The following PICK1 variants were observed in gnomAD, a reference collection of about 807,000 sequenced individuals.
PICK1 encodes protein interacting with PRKCA 1, also known as PRKCA-binding protein.
In PICK1, 23 loss-of-function variants were observed where a neutral mutation model predicts 48.9. The ratio of observed to expected loss-of-function variants is 0.47; its 90% CI spans 0.34 to 0.67. PICK1 has a LOEUF of 0.67. PICK1 is among the 30% of genes least tolerant of loss of function. The pLI, the probability that PICK1 is intolerant of heterozygous loss-of-function variation, is 0.01. For synonymous variants in PICK1, 217 were observed against 228.2 expected (o/e 0.95, Z 0.44); for missense variants, 423 against 557.1 (o/e 0.76, Z 2.42).
At position 38,057,849 on chromosome 22, in the gene PICK1, CTG is replaced by C; in HGVS notation, c.41+2_41+3del. On this transcript the variant is annotated splice_donor_variant and coding_sequence_variant, in exon 2 of 13. Transcript: ENST00000356976. LOFTEE classifies it high-confidence loss of function. Reference sequence around the variant, plus strand: ...GGATTATGACATCGAAGAGGATAAACTGTGAGTATTTTATTCCCCCAAGTTCC... The same window carrying C: ...GGATTATGACATCGAAGAGGATAAACTGAGTATTTTATTCCCCCAAGTTCC... The C allele has an allele frequency of 6.2e-7, 1 of 1,613,206 alleles. No homozygotes were observed. Among genetic ancestry groups the C allele is most frequent in the Non-Finnish European group, 8.5e-7 (1 of 1,179,098 alleles).
chr22:38,062,250 C>T (rs2085420184), intron 3 of PICK1, among the ~76,000 whole-genome samples: 1 of 133,722 alleles, frequency 7.5e-6, no homozygotes. Context: ...AATTTCCCAT[C>T]TTTTTTTTTT....
rs2085348037 is a variant in PICK1, at chr22:38,059,488, C to T, written c.153+143C>T. ...CAGAGGGGCTTTCTGACCACCTGCG[C>T]TGCGTTGCTCTGCCCTGTCTTCTCC... On this transcript the variant is annotated intron_variant, in intron 3 of 12. Coordinates refer to ENST00000356976, the MANE Select transcript of PICK1 (RefSeq NM_012407.4). 5 of 677,386 alleles carry T rather than the reference C, an allele frequency of 7.4e-6. No individual in the cohort carries two copies. In the South Asian group the frequency reaches 8.4e-5, roughly 11 times the overall value. 42.0% of individuals were successfully genotyped at this position (677,386 alleles called of 1,614,324 possible). A position where few individuals can be genotyped will look rare whatever the true frequency, so the allele number is the denominator to read the frequency against.
Position 38,075,248 on chromosome 22 carries a change from GC to G in PICK1, c.*118del. 9.9e-7 allele frequency: 1 copy of G among 1,007,458 alleles called. No individual in the cohort carries two copies. The highest frequency in any genetic ancestry group is 1.4e-6 in the Non-Finnish European group (1 of 704,842). 62.4% of individuals were successfully genotyped at this position (1,007,458 alleles called of 1,614,324 possible). A position where few individuals can be genotyped will look rare whatever the true frequency, so the allele number is the denominator to read the frequency against. ...AAAGGCCTGCTGGCTTGGGGCGCCT[GC>G]CTCCCTGCTCCTCTGTCCTCGCACA... On this transcript the variant is annotated 3_prime_UTR_variant, in exon 13 of 13. Transcript: ENST00000356976.
chr22:38,073,999 G>A lies in PICK1; in HGVS notation c.834+176G>A, dbSNP rs976002809. 218 of 685,146 alleles carry A rather than the reference G, an allele frequency of 3.2e-4. 1 individual carries two copies. The highest frequency in any genetic ancestry group is 4.1e-4 in the Non-Finnish European group (163 of 395,910). 42.4% of individuals were successfully genotyped at this position (685,146 alleles called of 1,614,324 possible). On this transcript the variant is annotated intron_variant, in intron 11 of 12. Coordinates refer to ENST00000356976, the MANE Select transcript of PICK1 (RefSeq NM_012407.4). The surrounding 1 kb of genome is among the most constrained non-coding windows in gnomAD (Gnocchi z 5.7). ...CTGGGCCTCGGGGTGCTGGGCACCC[G>A]GCCGGGAACCACTCCCTCAGTCTGG... is the stretch of plus-strand genomic sequence containing the variant.
intron 3 of PICK1, among the ~76,000 whole-genome samples, chr22:38,064,079 A>T (rs1025379017): frequency 6.6e-6 from 1 of 151,982 alleles, no homozygotes; most frequent in East Asian, 1.9e-4. Context: ...TATCTTCGAG[A>T]CAGAGTCTCG....
In PICK1 at chr22:38,065,064, T is replaced by C. The variant is rs1414381626; in HGVS notation, c.216T>C (p.Gly72=). Residue 72 remains glycine, a synonymous_variant, in exon 4 of 13, where the codon GGT becomes GGC. Coordinates refer to ENST00000356976, the MANE Select transcript of PICK1 (RefSeq NM_012407.4). The part of the protein sequence containing the change: ...GTVAAGDEIT[G]VNGRSIKGKT... ...TGGCAGCTGGCGATGAGATCACCGGTGTCAATGGCAGGTCAATCAAAGGGA... is the reference window on the plus strand; with the variant it reads ...TGGCAGCTGGCGATGAGATCACCGGCGTCAATGGCAGGTCAATCAAAGGGA... The C allele has an allele frequency of 3.7e-6, 6 of 1,613,802 alleles. No individual in the cohort carries two copies. Among genetic ancestry groups the C allele is most frequent in the Non-Finnish European group, 2.5e-6 (3 of 1,179,964 alleles).
rs151027653 is a variant in PICK1, at chr22:38,072,571, C to T, written c.651C>T (p.Ile217=). Residue 217 remains isoleucine (I), a synonymous_variant, in exon 9 of 13, where the codon ATC becomes ATT. Coordinates refer to ENST00000356976, the MANE Select transcript of PICK1 (RefSeq NM_012407.4). ...AGTTCGCCGATGCCCACCGCAGCAT[C>T]GAGAAGTTCGGCATTCGGCTTCTGA... is the stretch of plus-strand genomic sequence containing the variant. ...FVKFADAHRS[I]EKFGIRLLKT... is the part of the protein sequence containing the mutation. 271 of 1,613,378 alleles carry T rather than the reference C, an allele frequency of 1.7e-4. No homozygotes were observed. In the African/African-American group the frequency reaches 2.9e-3, roughly 17 times the overall value.
Position 38,068,167 on chromosome 22 carries a change from C to T in PICK1, c.349+397C>T, listed in dbSNP as rs938450942. The T allele has an allele frequency of 2.6e-5, 12 of 465,684 alleles. No individual in the cohort carries two copies. The East Asian group carries it at 4.1e-4, about 16-fold the overall frequency. The allele number at this position is 465,684 out of a possible 1,614,324, so 28.8% of individuals were successfully genotyped here. A position where few individuals can be genotyped will look rare whatever the true frequency, so the allele number is the denominator to read the frequency against. On this transcript the variant is annotated intron_variant, in intron 5 of 12. Coordinates refer to ENST00000356976, the MANE Select transcript of PICK1 (RefSeq NM_012407.4). ...GCGCCTCATGCCCTCTAGCACAGCG[C>T]ACTCCTCCCTGGCCTCTCCTGCCAT...
At chr22:38,059,547 T>G (rs1359898603) in intron 3 of PICK1, among the ~76,000 whole-genome samples, 2 of 152,204 alleles carry the variant, frequency 1.3e-5, no homozygotes, top group African/African-American at 4.8e-5. Flanking sequence ...TTCTCGGCAC[T>G]TATTACTTGT....
At chr22:38,071,941 A>C in intron 8 of PICK1, 197 bp downstream of exon 8, 1 of 644,140 alleles carries the variant, frequency 1.6e-6, no homozygotes, top group Non-Finnish European at 2.8e-6. Flanking sequence ...CGCAACGATG[A>C]ACAGGCCCCA....
Position 38,073,257 on chromosome 22 carries a change from C to T in PICK1, c.783+165C>T, listed in dbSNP as rs1601958994. 1.3e-5 allele frequency among the ~76,000 whole-genome samples: 2 copies of T among 152,232 alleles called. No individual in the cohort carries two copies. The highest frequency in any genetic ancestry group is 2.9e-5 in the Non-Finnish European group (2 of 68,042). On this transcript the variant is annotated intron_variant, in intron 10 of 12. Transcript: ENST00000356976. This position sits in a 1 kb window ranked among gnomAD's most constrained non-coding sequence, Gnocchi z 5.7. The stretch of plus-strand genomic sequence containing the variant: ...GGGAGGTGCAGCCAAAGCCCTGCTG[C>T]GCCTGCACAAAGAAGCATCTGAGAG...
In PICK1 at chr22:38,074,706, C is replaced by T. The variant is rs2085792644; in HGVS notation, c.980-158C>T. On this transcript the variant is annotated intron_variant, in intron 12 of 12. Transcript: ENST00000356976. This position sits in a 1 kb window ranked among gnomAD's most constrained non-coding sequence, Gnocchi z 4.5. ...CGGGGAGGCCCCGGGCTGGGCGGCC[C>T]CTGCCTCCGCCCCTTGCCAGGTCAT... Among the ~76,000 whole-genome samples, 1 of 152,136 alleles carries T rather than the reference C, an allele frequency of 6.6e-6. No homozygotes were observed. Among genetic ancestry groups the T allele is most frequent in the Admixed American group, 6.5e-5 (1 of 15,282 alleles).
Position 38,074,557 on chromosome 22 carries a change from TC to T in PICK1, c.979+108del. ...GGCCACGGCCCAGATGTAAAGCCCC[TC>T]CAGGAGCCCAGCCATCTGCCCAGAG... On this transcript the variant is annotated intron_variant, in intron 12 of 12. Coordinates refer to ENST00000356976, the MANE Select transcript of PICK1 (RefSeq NM_012407.4). The surrounding 1 kb of genome is among the most constrained non-coding windows in gnomAD (Gnocchi z 4.5). 1 of 1,465,642 alleles carries T rather than the reference TC, an allele frequency of 6.8e-7. No homozygotes were observed. The highest frequency in any genetic ancestry group is 9.4e-7 in the Non-Finnish European group (1 of 1,067,656). The allele number at this position is 1,465,642 out of a possible 1,614,324, so 90.8% of individuals were successfully genotyped here. A position where few individuals can be genotyped will look rare whatever the true frequency, so the allele number is the denominator to read the frequency against.
intron 3 of PICK1, among the ~76,000 whole-genome samples, chr22:38,064,258 A>G (rs2085472475): frequency 6.6e-6 from 1 of 152,012 alleles, no homozygotes; most frequent in Admixed American, 6.6e-5. Context: ...GGGTTTCGCC[A>G]TGTTGGCCAG....
Position 38,073,278 on chromosome 22 carries a change from G to A in PICK1, c.783+186G>A, listed in dbSNP as rs2085747735. On this transcript the variant is annotated intron_variant, in intron 10 of 12. Coordinates refer to ENST00000356976, the MANE Select transcript of PICK1 (RefSeq NM_012407.4). This position sits in a 1 kb window ranked among gnomAD's most constrained non-coding sequence, Gnocchi z 5.7. ...GCTGCGCCTGCACAAAGAAGCATCT[G>A]AGAGCCTGGGGCGGGCATGGCTCTC... 6.6e-6 allele frequency among the ~76,000 whole-genome samples: 1 copy of A among 152,264 alleles called. No homozygotes were observed. Among genetic ancestry groups the A allele is most frequent in the Non-Finnish European group, 1.5e-5 (1 of 68,046 alleles).
chr22:38,072,557 G>GC lies in PICK1; in HGVS notation c.640dup (p.His214ProfsTer46). On this transcript the variant is annotated frameshift_variant, in exon 9 of 13. Coordinates refer to ENST00000356976, the MANE Select transcript of PICK1 (RefSeq NM_012407.4). LOFTEE classifies it high-confidence loss of function. ...CGAGGCTTTTGTGAAGTTCGCCGAT[G>GC]CCCACCGCAGCATCGAGAAGTTCGG... The GC allele has an allele frequency of 2.5e-6, 4 of 1,613,454 alleles. No individual in the cohort carries two copies. Among genetic ancestry groups the GC allele is most frequent in the Non-Finnish European group, 3.4e-6 (4 of 1,180,036 alleles).
At position 38,067,727 on chromosome 22, in the gene PICK1, C is replaced by A. The variant is rs374422539; in HGVS notation, c.306C>A (p.Asn102Lys). Residue 102 changes from asparagine (N) to lysine (K), a missense_variant, in exon 5 of 13, where the codon AAC (asparagine) becomes AAA (lysine). This residue lies in a region of PICK1 where 279 missense variants were observed against 417.8 expected (regional missense o/e 0.67). Coordinates refer to ENST00000356976, the MANE Select transcript of PICK1 (RefSeq NM_012407.4). ...EVKGEVTIHYNKLQADPKQGM... is the reference protein window; with the variant it reads ...EVKGEVTIHYKKLQADPKQGM... ...AGGGGGAGGTGACCATCCACTACAA[C>A]AAGCTGCAGGCGGACCCCAAGCAGG... 6.2e-7 allele frequency: 1 copy of A among 1,614,020 alleles called. No individual in the cohort carries two copies. Among genetic ancestry groups the A allele is most frequent in the Non-Finnish European group, 8.5e-7 (1 of 1,179,890 alleles).
chr22:38,071,526 G>A (rs553219041), intron 7 of PICK1, among the ~76,000 whole-genome samples, 156 bp from the exon 8 acceptor site: 5 of 152,342 alleles, frequency 3.3e-5, no homozygotes, highest in South Asian at 2.1e-4. Context: ...GTCGGACTGA[G>A]CTTTTACCCC....
At position 38,073,071 on chromosome 22, in the gene PICK1, G is replaced by A. The variant is rs1601958679; in HGVS notation, c.762G>A (p.Leu254=). The part of the protein sequence containing the change: ...PDTRLTIKKY[L]DVKFEYLSYC... ...CTCGCCTCACCATCAAGAAGTACCT[G>A]GACGTGAAGTTTGAGTACCTGGTGA... The change falls in exon 10 of 13, where the codon CTG becomes CTA. Residue 254 remains leucine, a synonymous_variant. Transcript: ENST00000356976. The surrounding 1 kb of genome is among the most constrained non-coding windows in gnomAD (Gnocchi z 5.7). 1 of 1,613,014 alleles carries A rather than the reference G, an allele frequency of 6.2e-7. No homozygotes were observed. The highest frequency in any genetic ancestry group is 8.5e-7 in the Non-Finnish European group (1 of 1,179,072).
Sources: allele counts gnomAD v4.1 joint callset (sites outside exome capture counted in the v4.1 genomes callset), GRCh38; gene constraint gnomAD v4.1.1; regional missense constraint gnomAD v4.1.1; non-coding constraint Gnocchi (gnomAD v3.1); transcripts MANE v1.5; gene names NCBI Gene and HGNC (gene_info 2026-07-23, HGNC 2026-07-21).